The following NPM1 variants were observed in gnomAD, a reference collection of about 807,000 sequenced individuals.
The protein encoded by NPM1 is nucleophosmin.
Under a neutral mutation model 44.1 loss-of-function variants are expected in NPM1, and 1 was observed. The observed-to-expected ratio is 0.02, with a 90% CI of 0.01 to 0.11. NPM1 has a LOEUF of 0.11. NPM1 is among the 10% of genes least tolerant of loss of function. The probability of loss-of-function intolerance (pLI) is 1.00; values close to 1 mark genes in which losing one functional copy is unlikely to be tolerated. For synonymous variants in NPM1, 126 were observed against 111.8 expected, an observed-to-expected ratio of 1.13 and a Z score of -0.80; for missense variants, 197 against 347.8, an observed-to-expected ratio of 0.57 and a Z score of 3.45.
Position 171,410,630 on chromosome 5 carries a change from T to A in NPM1, c.*65T>A, listed in dbSNP as rs1771782489. ...TATTTCATTTCTGTAACAGTTGATA[T>A]CTGGCTGTCCTTTTTATAATGCAGA... On this transcript the variant is annotated 3_prime_UTR_variant, in exon 11 of 11. Transcript: ENST00000296930. The A allele has an allele frequency of 1.1e-6, 1 of 893,774 alleles. No individual in the cohort carries two copies. 55.4% of individuals were successfully genotyped at this position (893,774 alleles called of 1,614,324 possible).
chr5:171,391,481 A>G (rs541367715), intron 3 of NPM1, 57 bp downstream of exon 3: 2 of 1,591,446 alleles, frequency 1.3e-6, no homozygotes, highest in Non-Finnish European at 1.7e-6. Context: ...GTTTTAAGGT[A>G]GGTTTGGTGT....
In NPM1 at chr5:171,387,917, T is replaced by C. The variant is rs1406614287; in HGVS notation, c.-32T>C. The C allele has an allele frequency of 4.4e-6, 7 of 1,604,560 alleles. No individual in the cohort carries two copies. ...CAGCGTTCTTTTATCTCCGTCCGCC[T>C]TCTCTCCTACCTAAGTGCGTGCCGC... On this transcript the variant is annotated 5_prime_UTR_variant, in exon 1 of 11. Transcript: ENST00000296930.
chr5:171,398,275 T>C (rs1420770294), intron 6 of NPM1, among the ~76,000 whole-genome samples: 1 of 152,232 alleles, frequency 6.6e-6, no homozygotes, highest in Non-Finnish European at 1.5e-5. Context: ...AAATCATTGC[T>C]AAATTCAAAG....
chr5:171,394,651 A>G (rs1297712486), intron 6 of NPM1, among the ~76,000 whole-genome samples: 1 of 152,228 alleles, frequency 6.6e-6, no homozygotes, highest in Non-Finnish European at 1.5e-5. Flanking sequence ...ATTGAAATAC[A>G]TTCCAAGAGA....
At chr5:171,390,674 T>TA (rs1380617268) in intron 2 of NPM1, among the ~76,000 whole-genome samples, 5 of 152,162 alleles carry the variant, frequency 3.3e-5, no homozygotes, top group Non-Finnish European at 7.3e-5. Flanking sequence ...GGATCGCATA[T>TA]ACAATGGTGG....
chr5:171,395,757 A>G (rs1332809064), intron 6 of NPM1, among the ~76,000 whole-genome samples: 1 of 152,180 alleles, frequency 6.6e-6, no homozygotes, highest in Non-Finnish European at 1.5e-5. Context: ...AACCTTTTGA[A>G]CACAGATCAA....
chr5:171,405,485 G>GT, intron 9 of NPM1, 82 bp downstream of exon 9: 5 of 700,954 alleles, frequency 7.1e-6, no homozygotes, highest in Middle Eastern at 2.3e-4. Context: ...AATGTTTCTT[G>GT]TTTTTTTGTT....
At chr5:171,387,645 A>G (rs1037219155), upstream of NPM1, 2 of 434,362 alleles carry the variant, frequency 4.6e-6, no homozygotes. Context: ...GGGCCAGTGT[A>G]CGAGTGCGCG....
intron 6 of NPM1, among the ~76,000 whole-genome samples, chr5:171,393,446 A>G (rs1770701687): frequency 6.6e-6 from 1 of 152,236 alleles, no homozygotes; most frequent in South Asian, 2.1e-4. Flanking sequence ...ATTGACAAAA[A>G]TAAGATTCTA....
intron 1 of NPM1, 72 bp downstream of exon 1, chr5:171,388,078 G>GGTGTGGGGGGGGGGGGGGGGGGGC: frequency 4.9e-6 from 3 of 616,748 alleles, no homozygotes; most frequent in Non-Finnish European, 9.1e-6. Flanking sequence ...TGAGGGGCGG[G>GGTGTGGGGGGGGGGGGGGGGGGGC]AATCCGGCTG....
At position 171,410,509 on chromosome 5, in the gene NPM1, C is replaced by CTT. The variant is rs34323200; in HGVS notation, c.847-6_847-5dup. ...GTGTTGTGGTTCCTTAACCACATTT[C>CTT]TTTTTTTTTTTTTCCAGGCTATTCA... On this transcript the variant is annotated splice_polypyrimidine_tract_variant and intron_variant, in intron 10 of 10. Transcript: ENST00000296930. 1.3e-3 allele frequency: 1,576 copies of CTT among 1,222,162 alleles called. No individual in the cohort carries two copies. The highest frequency in any genetic ancestry group is 1.9e-3 in the South Asian group (132 of 69,504). The allele number at this position is 1,222,162 out of a possible 1,614,324, so 75.7% of individuals were successfully genotyped here. A position where few individuals can be genotyped will look rare whatever the true frequency, so the allele number is the denominator to read the frequency against.
chr5:171,394,541 A>G (rs1770774415), intron 6 of NPM1, among the ~76,000 whole-genome samples: 1 of 152,064 alleles, frequency 6.6e-6, no homozygotes, highest in South Asian at 2.1e-4. Context: ...GGCACAAGCT[A>G]TCCTCCCCTC....
chr5:171,404,033 C>T lies in NPM1; in HGVS notation c.670-1269C>T, dbSNP rs1281301486. Among the ~76,000 whole-genome samples, 7 of 61,648 alleles carry T rather than the reference C, an allele frequency of 1.1e-4. 2 individuals carry two copies. The highest frequency in any genetic ancestry group is 3.7e-4 in the African/African-American group (5 of 13,698). The allele number at this position is 61,648 out of a possible 152,430, so 40.4% of individuals were successfully genotyped here. On this transcript the variant is annotated intron_variant, in intron 8 of 10. Coordinates refer to ENST00000296930, the MANE Select transcript of NPM1 (RefSeq NM_002520.7). ...CTCCTCACTTCCCAGTAGGGGCGGC[C>T]GGGCAGAGGCAACCCTCACCTCCCG...
chr5:171,406,589 A>G, intron 9 of NPM1: 1 of 1,410,048 alleles, frequency 7.1e-7, no homozygotes, highest in South Asian at 1.7e-5. Context: ...TTGGTTCCCT[A>G]AAGCACTTTC....
chr5:171,405,696 C>T (rs1771528222), intron 9 of NPM1: 2 of 338,680 alleles, frequency 5.9e-6, no homozygotes, highest in South Asian at 3.2e-5. Flanking sequence ...AGTGAAAACC[C>T]TTTGCCTATT....
At chr5:171,397,005 C>G (rs967079512) in intron 6 of NPM1, among the ~76,000 whole-genome samples, 1 of 152,104 alleles carries the variant, frequency 6.6e-6, no homozygotes, top group African/African-American at 2.4e-5. Flanking sequence ...TTTTAGTATG[C>G]ATAGTTGTGT....
At chr5:171,397,186 GCA>G (rs1316935991) in intron 6 of NPM1, among the ~76,000 whole-genome samples, 2 of 152,064 alleles carry the variant, frequency 1.3e-5, no homozygotes, top group Admixed American at 6.6e-5. Context: ...TGTTTTCTTA[GCA>G]CAGTGTTTTC....
chr5:171,403,811 C>T (rs1309637656), intron 8 of NPM1, among the ~76,000 whole-genome samples: 55 of 84,550 alleles, frequency 6.5e-4, no homozygotes, highest in African/African-American at 2.4e-3. Flanking sequence ...TAGGGGCGGC[C>T]GGGCAGAGGC....
Position 171,392,933 on chromosome 5 carries a change from CTGA to C in NPM1, c.483_485del (p.Asp161del), listed in dbSNP as rs759376175. On this transcript the variant is annotated inframe_deletion, in exon 6 of 11. Coordinates refer to ENST00000296930, the MANE Select transcript of NPM1 (RefSeq NM_002520.7). ...TAAAAGAAAAAAGTAAAACTTGCTG[CTGA>C]TGAAGATGATGACGATGATGATGAA... is the stretch of plus-strand genomic sequence containing the variant. 86 of 1,610,524 alleles carry C rather than the reference CTGA, an allele frequency of 5.3e-5. 1 individual carries two copies. The highest frequency in any genetic ancestry group is 6.8e-5 in the Non-Finnish European group (80 of 1,177,166).
Sources: allele counts gnomAD v4.1 joint callset (sites outside exome capture counted in the v4.1 genomes callset), GRCh38; gene constraint gnomAD v4.1.1; transcripts MANE v1.5; gene names NCBI Gene and HGNC (gene_info 2026-07-23, HGNC 2026-07-21).